The following ATF6 variants were observed in gnomAD, a reference collection of about 807,000 sequenced individuals.
ATF6 encodes the protein cyclic AMP-dependent transcription factor ATF-6 alpha.
Under a neutral mutation model 83.6 loss-of-function variants are expected in ATF6, and 53 were observed. The ratio of observed to expected loss-of-function variants is 0.63; its 90% CI spans 0.51 to 0.80. ATF6 has a LOEUF of 0.80. Among genes scored for constraint, ATF6 ranks in the 30% least tolerant of loss-of-function variants. The pLI is 0.00. For missense variants in ATF6, 744 were observed against 797.9 expected (o/e 0.93, Z 0.81); for synonymous variants, 288 against 285.8 (o/e 1.01, Z -0.08).
At chr1:161,786,692 C>A (rs1403375856) in intron 4 of ATF6, among the ~76,000 whole-genome samples, 1 of 152,074 alleles carries the variant, frequency 6.6e-6, no homozygotes, top group African/African-American at 2.4e-5. Context: ...AGTCCGATGC[C>A]CCTATCACTC....
At chr1:161,900,332 G>A (rs1038783474) in intron 14 of ATF6, among the ~76,000 whole-genome samples, 3 of 152,160 alleles carry the variant, frequency 2.0e-5, no homozygotes, top group African/African-American at 4.8e-5. Context: ...ATTTATGGAC[G>A]ACGTGAGGAA....
At chr1:161,869,786 C>G (rs1687083256) in intron 14 of ATF6, among the ~76,000 whole-genome samples, 1 of 151,766 alleles carries the variant, frequency 6.6e-6, no homozygotes, top group Non-Finnish European at 1.5e-5. Flanking sequence ...TGTCCATTTT[C>G]TATTTCACTT....
chr1:161,860,740 T>G (rs1686866055), intron 13 of ATF6, among the ~76,000 whole-genome samples: 1 of 152,120 alleles, frequency 6.6e-6, no homozygotes, highest in African/African-American at 2.4e-5. Flanking sequence ...ATCATTTATT[T>G]TTTTTGTAAT....
chr1:161,799,026 C>T (rs1302638169), intron 6 of ATF6, among the ~76,000 whole-genome samples: 7 of 152,158 alleles, frequency 4.6e-5, no homozygotes, highest in Admixed American at 1.3e-4. Context: ...AGCCACTGAA[C>T]GTAGTTTGTA....
At chr1:161,798,529 T>C (rs1017585267) in intron 6 of ATF6, among the ~76,000 whole-genome samples, 2 of 152,168 alleles carry the variant, frequency 1.3e-5, no homozygotes, top group African/African-American at 2.4e-5. Context: ...GGAGAATTGC[T>C]TGAACCCAGG....
At chr1:161,820,826 T>G (rs1216760595) in intron 8 of ATF6, among the ~76,000 whole-genome samples, 1 of 152,066 alleles carries the variant, frequency 6.6e-6, no homozygotes, top group Non-Finnish European at 1.5e-5. Flanking sequence ...GCTGCTGTGT[T>G]TTTTTCTCTT....
intron 15 of ATF6, among the ~76,000 whole-genome samples, chr1:161,951,747 T>A (rs1349805422): frequency 6.6e-6 from 1 of 152,228 alleles, no homozygotes; most frequent in Non-Finnish European, 1.5e-5. Flanking sequence ...ACCAGTATTT[T>A]AAATGTAATT....
At chr1:161,894,473 G>A (rs190377152) in intron 14 of ATF6, among the ~76,000 whole-genome samples, 2 of 123,528 alleles carry the variant, frequency 1.6e-5, no homozygotes, top group African/African-American at 2.9e-5. Context: ...TTACTGAATC[G>A]TTTATAAATT....
chr1:161,883,027 C>T lies in ATF6; in HGVS notation c.1719+19715C>T, dbSNP rs1241970681. On this transcript the variant is annotated intron_variant, in intron 14 of 15. Transcript: ENST00000367942. ...TAGATTTAGCAAATTCATTCTTTCCCCCAACTCCCCAGAAAAATTCATTTT... is the reference window on the plus strand; with the variant it reads ...TAGATTTAGCAAATTCATTCTTTCCTCCAACTCCCCAGAAAAATTCATTTT... Among the ~76,000 whole-genome samples the T allele has an allele frequency of 2.0e-5, 3 of 151,782 alleles. No homozygotes were observed. The East Asian group carries it at 5.8e-4, about 29-fold the overall frequency.
intron 14 of ATF6, among the ~76,000 whole-genome samples, chr1:161,873,780 CT>C (rs985112905): frequency 1.3e-5 from 2 of 151,470 alleles, no homozygotes; most frequent in African/African-American, 4.8e-5. Context: ...TCTGTTTCCC[CT>C]GCTAGGAAGT....
rs1273409741 is a variant in ATF6 at position 161,771,989 on chromosome 1, G to A, written c.82+5547G>A. 3.3e-5 allele frequency among the ~76,000 whole-genome samples: 5 copies of A among 152,088 alleles called. No individual in the cohort carries two copies. The South Asian group carries it at 8.3e-4, about 25-fold the overall frequency. On this transcript the variant is annotated intron_variant, in intron 1 of 15. Transcript: ENST00000367942. ...TTTCCTGATCATAAGCCTAAGTCTT[G>A]TCACTACCAATAACATCTCACTTTC...
At chr1:161,874,220 G>A (rs951356983) in intron 14 of ATF6, among the ~76,000 whole-genome samples, 2 of 151,522 alleles carry the variant, frequency 1.3e-5, no homozygotes, top group African/African-American at 4.8e-5. Context: ...AACAGATTGT[G>A]CTATCATTTT....
intron 1 of ATF6, among the ~76,000 whole-genome samples, chr1:161,773,398 C>T (rs1240011693): frequency 2.6e-5 from 4 of 152,084 alleles, no homozygotes; most frequent in South Asian, 2.1e-4. Flanking sequence ...ACCTTGGCCT[C>T]CCAAAGTGCT....
In ATF6 at chr1:161,930,145, C is replaced by T. The variant is rs537106570; in HGVS notation, c.1804+17765C>T. Among the ~76,000 whole-genome samples, 23 of 152,214 alleles carry T rather than the reference C, an allele frequency of 1.5e-4. No individual in the cohort carries two copies. The South Asian group carries it at 1.9e-3, about 12-fold the overall frequency. On this transcript the variant is annotated intron_variant, in intron 15 of 15. Transcript: ENST00000367942. Reference sequence around the variant, plus strand: ...TGACAACTAATGTTTTTACTCAAGCCGATTGTATGTTTTAGAAGGCAAATA... The same window carrying T: ...TGACAACTAATGTTTTTACTCAAGCTGATTGTATGTTTTAGAAGGCAAATA...
intron 4 of ATF6, among the ~76,000 whole-genome samples, chr1:161,789,019 T>G (rs1238048391): frequency 6.6e-6 from 1 of 152,022 alleles, no homozygotes; most frequent in East Asian, 1.9e-4. Context: ...TAACTTTTTT[T>G]GGGTACATGG....
intron 7 of ATF6, among the ~76,000 whole-genome samples, chr1:161,809,418 C>A (rs893912560): frequency 1.3e-5 from 2 of 152,108 alleles, no homozygotes; most frequent in African/African-American, 4.8e-5. Context: ...GTATATGTGC[C>A]ACATTTTTTT....
At chr1:161,920,669 T>C (rs758415683) in intron 15 of ATF6, among the ~76,000 whole-genome samples, 4 of 151,862 alleles carry the variant, frequency 2.6e-5, no homozygotes, top group Non-Finnish European at 5.9e-5. Context: ...CCAGTTGCTG[T>C]GTTGAGTCAA....
chr1:161,805,512 A>T (rs1685257109), intron 7 of ATF6, among the ~76,000 whole-genome samples: 1 of 152,084 alleles, frequency 6.6e-6, no homozygotes, highest in Admixed American at 6.6e-5. Flanking sequence ...TTTTGACTGA[A>T]TGTTTATTTC....
rs554261845 is a variant in ATF6 at position 161,895,159 on chromosome 1, C to T, written c.1720-17137C>T. ...GGCTGAGGTGGGAGAATTGCTTGAA[C>T]CCAGGAGGCAGAAGTTGTAGTAAGC... On this transcript the variant is annotated intron_variant, in intron 14 of 15. Coordinates refer to ENST00000367942, the MANE Select transcript of ATF6 (RefSeq NM_007348.4). 6.6e-5 allele frequency among the ~76,000 whole-genome samples: 10 copies of T among 152,238 alleles called. No homozygotes were observed. In the South Asian group the frequency reaches 2.1e-3, roughly 32 times the overall value.
Sources: gnomAD v4.1 joint callset for allele counts (sites outside exome capture counted in the v4.1 genomes callset) on GRCh38, gnomAD v4.1.1 for gene constraint, MANE v1.5 for transcripts, NCBI Gene and HGNC (gene_info 2026-07-23, HGNC 2026-07-21) for gene names.